Variants in PKHD1 observed in about 807,000 individuals in gnomAD.
The protein encoded by PKHD1 is PKHD1 ciliary IPT domain containing fibrocystin/polyductin.
Under a neutral mutation model 412.0 loss-of-function variants are expected in PKHD1, and 291 were observed. The ratio of observed to expected loss-of-function variants is 0.71; its 90% CI spans 0.64 to 0.78. The LOEUF (loss-of-function observed/expected upper bound fraction) is 0.78, where lower values mean the gene tolerates loss of function less well. Ranked by LOEUF, PKHD1 falls within the 30% of genes least tolerant of loss-of-function variation. The pLI is 0.00. For synonymous variants in PKHD1, 1,777 were observed against 1,821.5 expected, an observed-to-expected ratio of 0.98 and a Z score of 0.62; for missense variants, 4,825 against 4,950.7, an observed-to-expected ratio of 0.97 and a Z score of 0.76.
chr6:52,055,874 G>C, intron 18 of PKHD1, 145 bp from the exon 19 acceptor site: 1 of 760,318 alleles, frequency 1.3e-6, no homozygotes, highest in Non-Finnish European at 2.1e-6. Flanking sequence ...CCTTGAGTAA[G>C]TAACTCAACC....
chr6:51,999,996 C>A (rs1186524677), intron 35 of PKHD1, among the ~76,000 whole-genome samples: 2 of 152,174 alleles, frequency 1.3e-5, no homozygotes, highest in African/African-American at 4.8e-5. Flanking sequence ...AGTTGGGTGC[C>A]TTTAATTCTT....
chr6:51,947,017 A>G (rs2397073), intron 36 of PKHD1, among the ~76,000 whole-genome samples: 54,043 of 152,142 alleles, frequency 0.36, 10,644 homozygotes, highest in East Asian at 0.76. Flanking sequence ...ACCATACAAT[A>G]CTAGTCTTCA....
chr6:51,935,714 T>C (rs983720316), intron 36 of PKHD1, among the ~76,000 whole-genome samples: 1 of 152,236 alleles, frequency 6.6e-6, no homozygotes, highest in African/African-American at 2.4e-5. Context: ...TTCACACATA[T>C]GCTACAAACA....
At chr6:51,824,752 T>A (rs1355576220) in intron 52 of PKHD1, among the ~76,000 whole-genome samples, 2 of 152,182 alleles carry the variant, frequency 1.3e-5, no homozygotes, top group Non-Finnish European at 2.9e-5. Context: ...ATATGTTTCC[T>A]TCATGTCTTT....
intron 35 of PKHD1, among the ~76,000 whole-genome samples, chr6:52,003,587 G>A (rs1798703270): frequency 6.6e-6 from 1 of 152,080 alleles, no homozygotes; most frequent in Non-Finnish European, 1.5e-5. Flanking sequence ...ATGTCACTAA[G>A]GACCTCTTTA....
intron 60 of PKHD1, among the ~76,000 whole-genome samples, chr6:51,722,992 T>C (rs1782115659): frequency 6.6e-6 from 1 of 152,244 alleles, no homozygotes; most frequent in Admixed American, 6.5e-5. Flanking sequence ...AGGCATGTTT[T>C]AAATGAGTCA....
Position 51,934,239 on chromosome 6 carries a change from T to C in PKHD1, c.5992A>G (p.Ile1998Val), listed in dbSNP as rs755198704. 5 of 1,613,826 alleles carry C rather than the reference T, an allele frequency of 3.1e-6. No homozygotes were observed. Among genetic ancestry groups the C allele is most frequent in the Non-Finnish European group, 4.2e-6 (5 of 1,179,874 alleles). The change falls in exon 37 of 67, where the codon ATT (isoleucine) becomes GTT (valine). Residue 1998 changes from isoleucine (I) to valine (V), a missense_variant. Coordinates refer to ENST00000371117, the MANE Select transcript of PKHD1 (RefSeq NM_138694.4). The part of the protein sequence containing the change: ...ILVSDGGELR[I>V]GSEDKPFQGR... ...TGGAAGGGCTTGTCTTCGGATCCAATCCGGAGCTCTCCACCATCAGAAACA... is the reference window on the plus strand; with the variant it reads ...TGGAAGGGCTTGTCTTCGGATCCAACCCGGAGCTCTCCACCATCAGAAACA...
At chr6:51,950,220 A>ATATATATATATATATAT (rs1554156415) in intron 36 of PKHD1, among the ~76,000 whole-genome samples, 25 of 98,318 alleles carry the variant, frequency 2.5e-4, no homozygotes, top group East Asian at 1.6e-3. Context: ...GAAAAAAAAA[A>ATATATATATATATATAT]ATATATATAT....
intron 63 of PKHD1, among the ~76,000 whole-genome samples, chr6:51,643,380 C>T (rs545233252): frequency 2.6e-4 from 36 of 138,392 alleles, no homozygotes; most frequent in African/African-American, 8.9e-4. Flanking sequence ...ACTGAACTGC[C>T]CACATTAAAA....
intron 18 of PKHD1, 98 bp from the exon 19 acceptor site, chr6:52,055,827 TAAG>T (rs1316145186): frequency 7.6e-7 from 1 of 1,309,268 alleles, no homozygotes; most frequent in Non-Finnish European, 1.1e-6. Flanking sequence ...GTATCTCACT[TAAG>T]AAAACCCCCG....
In PKHD1 at chr6:52,010,301, G is replaced by T. The variant is rs772109017; in HGVS notation, c.5751+8C>A. ...TTGAATCAGTCTGTAAAAAAGATTT[G>T]ATTATACCTGAGTGTTCTGGCCCCA... On this transcript the variant is annotated splice_region_variant and intron_variant, in intron 35 of 66. Transcript: ENST00000371117. 6 of 1,612,304 alleles carry T rather than the reference G, an allele frequency of 3.7e-6. No homozygotes were observed. Among genetic ancestry groups the T allele is most frequent in the African/African-American group, 2.7e-5 (2 of 74,850 alleles).
intron 66 of PKHD1, among the ~76,000 whole-genome samples, chr6:51,620,977 T>C (rs1766539098): frequency 6.6e-6 from 1 of 152,072 alleles, no homozygotes; most frequent in Non-Finnish European, 1.5e-5. Flanking sequence ...CATCAAACTA[T>C]GGGATGATTC....
intron 49 of PKHD1, among the ~76,000 whole-genome samples, chr6:51,850,763 C>T (rs1772074065): frequency 6.6e-6 from 1 of 152,230 alleles, no homozygotes; most frequent in Admixed American, 6.5e-5. Flanking sequence ...GACTTTGAAG[C>T]TGAAGTTGCT....
chr6:51,855,924 G>A lies in PKHD1; in HGVS notation c.7880C>T (p.Ser2627Phe). The change falls in exon 49 of 67, where the codon TCT (serine) becomes TTT (phenylalanine). Residue 2627 changes from serine (S) to phenylalanine (F), a missense_variant. Transcript: ENST00000371117. ...AGATCTGTTGATCCAAAGGTTCTCAGATTGCAATGAGTAGGTCTCTTGGTC... is the reference window on the plus strand; with the variant it reads ...AGATCTGTTGATCCAAAGGTTCTCAAATTGCAATGAGTAGGTCTCTTGGTC... ...LLDQETYSLQSENLWINRSLQ... is the reference protein window; with the variant it reads ...LLDQETYSLQFENLWINRSLQ... 1 of 1,614,044 alleles carries A rather than the reference G, an allele frequency of 6.2e-7. No individual in the cohort carries two copies. Among genetic ancestry groups the A allele is most frequent in the Non-Finnish European group, 8.5e-7 (1 of 1,179,870 alleles).
chr6:51,737,611 T>C (rs1784013948), intron 60 of PKHD1, among the ~76,000 whole-genome samples: 1 of 152,202 alleles, frequency 6.6e-6, no homozygotes, highest in African/African-American at 2.4e-5. Flanking sequence ...ACTCACTAAA[T>C]TAAAAATATT....
chr6:52,030,449 C>T (rs1296721138), intron 29 of PKHD1, among the ~76,000 whole-genome samples: 1 of 152,168 alleles, frequency 6.6e-6, no homozygotes, highest in East Asian at 1.9e-4. Context: ...CGCATGTCTT[C>T]CCAATCTCTA....
intron 65 of PKHD1, 38 bp from the exon 66 acceptor site, chr6:51,627,154 G>GATAAAAAGAACAT: frequency 1.2e-5 from 19 of 1,599,564 alleles, no homozygotes; most frequent in Non-Finnish European, 1.5e-5. Context: ...TTTTTGTTCA[G>GATAAAAAGAACAT]TTGTAAGTGG....
intron 53 of PKHD1, among the ~76,000 whole-genome samples, chr6:51,786,891 A>G (rs550915794): frequency 1.5e-4 from 23 of 152,382 alleles, no homozygotes; most frequent in Middle Eastern, 3.4e-3. Flanking sequence ...TAACTGTTTT[A>G]TCAGACTAAT....
chr6:51,895,720 G>C (rs945586289), intron 43 of PKHD1, among the ~76,000 whole-genome samples: 15 of 152,126 alleles, frequency 9.9e-5, no homozygotes, highest in Non-Finnish European at 1.9e-4. Context: ...GAGCGACACA[G>C]AAGACAGGCG....
Sources: gnomAD v4.1 joint callset for allele counts (sites outside exome capture counted in the v4.1 genomes callset) on GRCh38, gnomAD v4.1.1 for gene constraint, MANE v1.5 for transcripts, NCBI Gene and HGNC (gene_info 2026-07-23, HGNC 2026-07-21) for gene names.